Variants in MIPOL1 observed in about 807,000 individuals in gnomAD.
The protein encoded by MIPOL1 is mirror-image polydactyly gene 1 protein.
A neutral mutation model predicts 60.9 loss-of-function variants in MIPOL1; 57 were observed. The ratio of observed to expected loss-of-function variants is 0.94; its 90% CI spans 0.76 to 1.17. The LOEUF (loss-of-function observed/expected upper bound fraction) is 1.17, where lower values mean the gene tolerates loss of function less well. Among genes scored for constraint, MIPOL1 ranks in the 50% most tolerant of loss-of-function variants. The pLI, the probability that MIPOL1 is intolerant of heterozygous loss-of-function variation, is 0.00. For missense variants in MIPOL1, 551 were observed against 511.6 expected (o/e 1.08, Z -0.74); for synonymous variants, 179 against 168.8 (o/e 1.06, Z -0.47).
intron 11 of MIPOL1, among the ~76,000 whole-genome samples, chr14:37,482,427 A>G (rs1364096683): frequency 6.6e-6 from 1 of 152,218 alleles, no homozygotes; most frequent in Non-Finnish European, 1.5e-5. Context: ...ACTGCTGTCA[A>G]GAACTGCCCA....
At chr14:37,541,283 G>T (rs1045798849) in intron 12 of MIPOL1, among the ~76,000 whole-genome samples, 1 of 152,044 alleles carries the variant, frequency 6.6e-6, no homozygotes, top group Non-Finnish European at 1.5e-5. Context: ...CATTCTCCCC[G>T]TAGAGTAACA....
chr14:37,541,707 A>G (rs928372502), intron 12 of MIPOL1, among the ~76,000 whole-genome samples: 2 of 152,174 alleles, frequency 1.3e-5, no homozygotes, highest in Admixed American at 1.3e-4. Flanking sequence ...CACGTATGAG[A>G]TCAGTCATTT....
At chr14:37,364,413 G>C (rs984910166) in intron 9 of MIPOL1, among the ~76,000 whole-genome samples, 1 of 152,142 alleles carries the variant, frequency 6.6e-6, no homozygotes, top group African/African-American at 2.4e-5. Context: ...ATATGGCAAG[G>C]GTTAGTTGTC....
At chr14:37,439,200 A>G (rs2094205874) in intron 11 of MIPOL1, among the ~76,000 whole-genome samples, 1 of 152,214 alleles carries the variant, frequency 6.6e-6, no homozygotes, top group South Asian at 2.1e-4. Context: ...ATGGCAAGTC[A>G]CAGAAGGGAG....
At chr14:37,435,689 T>A (rs550802527) in intron 11 of MIPOL1, among the ~76,000 whole-genome samples, 26 of 152,168 alleles carry the variant, frequency 1.7e-4, no homozygotes, top group Non-Finnish European at 3.5e-4. Flanking sequence ...AGTCTAGCAG[T>A]CAGATTTCTT....
At chr14:37,518,874 G>A (rs569164781) in intron 12 of MIPOL1, among the ~76,000 whole-genome samples, 3 of 152,192 alleles carry the variant, frequency 2.0e-5, no homozygotes, top group Non-Finnish European at 4.4e-5. Flanking sequence ...ATAAACCATC[G>A]TGAAAAGGTT....
At chr14:37,426,570 C>CATATATATATATGTATATATAT (rs2093964537) in intron 11 of MIPOL1, among the ~76,000 whole-genome samples, 1 of 85,530 alleles carries the variant, frequency 1.2e-5, no homozygotes, top group Non-Finnish European at 2.2e-5. Flanking sequence ...TCAAAATATA[C>CATATATATATATGTATATATAT]ATATATATAT....
chr14:37,365,828 ATCAGGT>A (rs909363185), intron 9 of MIPOL1, among the ~76,000 whole-genome samples: 1 of 152,082 alleles, frequency 6.6e-6, no homozygotes, highest in African/African-American at 2.4e-5. Context: ...TAGTGAAGCC[ATCAGGT>A]CCAAGGCTTT....
At chr14:37,236,039 G>C (rs550604504) in intron 1 of MIPOL1, among the ~76,000 whole-genome samples, 1 of 151,518 alleles carries the variant, frequency 6.6e-6, no homozygotes, top group Admixed American at 6.6e-5. Context: ...TGATTCTCCT[G>C]TCTCAGCCTC....
At chr14:37,363,025 A>G (rs8015886) in intron 9 of MIPOL1, among the ~76,000 whole-genome samples, 147,499 of 152,262 alleles carry the variant, frequency 0.97, 71,517 homozygotes, top group East Asian at 1. Context: ...TTTTTTCAAG[A>G]TTTTTAGATT....
chr14:37,407,484 C>T (rs1045461495), intron 10 of MIPOL1, among the ~76,000 whole-genome samples: 3 of 152,054 alleles, frequency 2.0e-5, no homozygotes, highest in Admixed American at 1.3e-4. Flanking sequence ...GTCATATTTA[C>T]CTTTTAAAGA....
At chr14:37,200,551 CT>C (rs1200260443) in intron 1 of MIPOL1, among the ~76,000 whole-genome samples, 11 of 151,374 alleles carry the variant, frequency 7.3e-5, no homozygotes, top group Admixed American at 7.2e-4. Context: ...TTGGTGGTTT[CT>C]GATTGATTAA....
At chr14:37,325,959 C>A (rs1372349946) in intron 9 of MIPOL1, among the ~76,000 whole-genome samples, 1 of 152,120 alleles carries the variant, frequency 6.6e-6, no homozygotes, top group Admixed American at 6.6e-5. Flanking sequence ...AGCTTTTCTC[C>A]ATTTGGAACT....
At chr14:37,209,845 A>G (rs1375975442) in intron 1 of MIPOL1, among the ~76,000 whole-genome samples, 2 of 150,934 alleles carry the variant, frequency 1.3e-5, no homozygotes, top group African/African-American at 4.9e-5. Context: ...CTGGGACTAC[A>G]AGTGTGCCAC....
intron 1 of MIPOL1, among the ~76,000 whole-genome samples, chr14:37,236,546 C>T (rs1369174739): frequency 6.6e-6 from 1 of 152,030 alleles, no homozygotes; most frequent in Non-Finnish European, 1.5e-5. Context: ...AAGCGATTCT[C>T]CTGCCTCAGC....
intron 12 of MIPOL1, among the ~76,000 whole-genome samples, chr14:37,533,210 A>G (rs1179395370): frequency 3.3e-5 from 5 of 152,144 alleles, no homozygotes; most frequent in Non-Finnish European, 7.4e-5. Flanking sequence ...ACTTTATACA[A>G]TGTCTAAGCC....
intron 12 of MIPOL1, chr14:37,505,792 T>C (rs2095270095): frequency 6.6e-6 from 1 of 152,132 alleles, no homozygotes; most frequent in Admixed American, 6.6e-5. Context: ...GGGTATTCAA[T>C]TAAGAAAAGA....
chr14:37,420,941 G>T (rs374547300), intron 10 of MIPOL1, among the ~76,000 whole-genome samples: 1 of 152,076 alleles, frequency 6.6e-6, no homozygotes, highest in Non-Finnish European at 1.5e-5. Flanking sequence ...TAAGGATATC[G>T]TAAAGCCAGA....
At chr14:37,256,647 TTAAAGA>T (rs762346719) in intron 3 of MIPOL1, among the ~76,000 whole-genome samples, 17 of 151,682 alleles carry the variant, frequency 1.1e-4, no homozygotes, top group Non-Finnish European at 1.8e-4. Context: ...CAGTATAGAG[TTAAAGA>T]TTAGGACAAG....
Sources: gnomAD v4.1 joint callset for allele counts (sites outside exome capture counted in the v4.1 genomes callset) on GRCh38, gnomAD v4.1.1 for gene constraint, MANE v1.5 for transcripts, NCBI Gene and HGNC (gene_info 2026-07-23, HGNC 2026-07-21) for gene names.